The following DRD3 variants were observed in gnomAD, a reference collection of about 807,000 sequenced individuals.
The protein encoded by DRD3 is D(3) dopamine receptor.
In DRD3, 19 loss-of-function variants were observed where a neutral mutation model predicts 36.3. The ratio of observed to expected loss-of-function variants is 0.52; its 90% CI spans 0.36 to 0.77. The LOEUF is 0.77. DRD3 is among the 30% of genes least tolerant of loss of function. The pLI, the probability that DRD3 is intolerant of heterozygous loss-of-function variation, is 0.00. For synonymous variants in DRD3, 195 were observed against 203.7 expected (o/e 0.96, Z 0.36); for missense variants, 465 against 505.3 (o/e 0.92, Z 0.77).
In DRD3 at chr3:114,159,826, A is replaced by G. The variant is rs767711870; in HGVS notation, c.312T>C (p.Asp104=). ...TCATGACATCCAGGGTGACAAAAAC[A>G]TCACAGCAAATGCGGCTGAAATTCC... is the stretch of plus-strand genomic sequence containing the variant. ...GVWNFSRICC[D]VFVTLDVMMC... Residue 104 remains aspartate, a synonymous_variant, in exon 3 of 7, where the codon GAT becomes GAC. Coordinates refer to ENST00000383673, the MANE Select transcript of DRD3 (RefSeq NM_000796.6). The G allele has an allele frequency of 1.2e-6, 2 of 1,614,178 alleles. No individual in the cohort carries two copies. The highest frequency in any genetic ancestry group is 1.7e-6 in the Non-Finnish European group (2 of 1,180,000).
chr3:114,196,139 G>A (rs1367707153), intron 1 of DRD3, among the ~76,000 whole-genome samples: 3 of 152,160 alleles, frequency 2.0e-5, no homozygotes, highest in African/African-American at 7.2e-5. Context: ...ACTTGGCCTA[G>A]TAATTTCCTA....
chr3:114,129,643 T>C (rs1415642058), intron 6 of DRD3, among the ~76,000 whole-genome samples: 1 of 152,024 alleles, frequency 6.6e-6, no homozygotes, highest in African/African-American at 2.4e-5. Flanking sequence ...CATCTAGGAG[T>C]TCTAGTAAAC....
At chr3:114,155,953 C>T (rs906195513) in intron 3 of DRD3, among the ~76,000 whole-genome samples, 3 of 152,162 alleles carry the variant, frequency 2.0e-5, no homozygotes, top group Non-Finnish European at 4.4e-5. Context: ...TTCTCCTTCT[C>T]CCAATAATAT....
chr3:114,193,674 T>C (rs1204948862), intron 1 of DRD3, among the ~76,000 whole-genome samples: 1 of 152,212 alleles, frequency 6.6e-6, no homozygotes, highest in Admixed American at 6.5e-5. Context: ...CACATTTTTT[T>C]CCCCAAACGC....
At chr3:114,192,029 A>G (rs2078013148) in intron 1 of DRD3, among the ~76,000 whole-genome samples, 1 of 152,198 alleles carries the variant, frequency 6.6e-6, no homozygotes, top group Non-Finnish European at 1.5e-5. Context: ...AGGAGGGGGA[A>G]GCTTTATAAT....
chr3:114,171,046 A>C (rs1182540154), intron 2 of DRD3, among the ~76,000 whole-genome samples: 3 of 152,210 alleles, frequency 2.0e-5, no homozygotes, highest in Non-Finnish European at 4.4e-5. Flanking sequence ...TTTCAAATTT[A>C]ATAAATGTTT....
chr3:114,156,654 A>G (rs796332696), intron 3 of DRD3, among the ~76,000 whole-genome samples: 13 of 152,208 alleles, frequency 8.5e-5, no homozygotes, highest in African/African-American at 3.1e-4. Context: ...GGCCTATTGA[A>G]TAAAAGTTAG....
chr3:114,134,547 G>A (rs1285169503), intron 5 of DRD3, among the ~76,000 whole-genome samples: 1 of 151,872 alleles, frequency 6.6e-6, no homozygotes, highest in South Asian at 2.1e-4. Context: ...AGACTCCTGA[G>A]TAGCTGGGAT....
Position 114,139,701 on chromosome 3 carries a change from G to A in DRD3, c.527-5C>T. ...TGGAGCAGACAGTGGGGTCCCCTGT[G>A]GATGAGAAGGGGGAAGGTAAAGCAG... is the stretch of plus-strand genomic sequence containing the variant. On this transcript the variant is annotated splice_polypyrimidine_tract_variant and splice_region_variant and intron_variant, in intron 4 of 6. Coordinates refer to ENST00000383673, the MANE Select transcript of DRD3 (RefSeq NM_000796.6). The A allele has an allele frequency of 6.2e-7, 1 of 1,613,346 alleles. No individual in the cohort carries two copies. The highest frequency in any genetic ancestry group is 8.5e-7 in the Non-Finnish European group (1 of 1,179,534).
At chr3:114,190,413 T>A (rs1478301654) in intron 1 of DRD3, among the ~76,000 whole-genome samples, 9 of 3,416 alleles carry the variant, frequency 2.6e-3, no homozygotes, top group Admixed American at 0.018. Context: ...AAAAGGATAA[T>A]ATATATATAT....
chr3:114,136,408 A>G (rs1043757936), intron 5 of DRD3, among the ~76,000 whole-genome samples: 3 of 152,140 alleles, frequency 2.0e-5, no homozygotes, highest in African/African-American at 7.2e-5. Flanking sequence ...ATGAGGAAAC[A>G]CTGGATTCCT....
At position 114,128,769 on chromosome 3, in the gene DRD3, T is replaced by C. The variant is rs1196216612; in HGVS notation, c.1150A>G (p.Thr384Ala). Residue 384 changes from threonine to alanine, a missense_variant, in exon 7 of 7, where the codon ACC becomes GCC. By Grantham distance (58) the Thr-to-Ala change is moderately conservative (BLOSUM62 0). Transcript: ENST00000383673. The stretch of plus-strand genomic sequence containing the variant: ...TTCCGGAACTCGATATTGAAGGTGG[T>C]ATAGATCACAGGGTTGAGGGCGCTA... ...VNSALNPVIY[T>A]TFNIEFRKAF... The C allele has an allele frequency of 1.9e-6, 3 of 1,613,496 alleles. No individual in the cohort carries two copies. Among genetic ancestry groups the C allele is most frequent in the Non-Finnish European group, 2.5e-6 (3 of 1,179,788 alleles).
chr3:114,143,592 C>T (rs1206910822), intron 4 of DRD3, among the ~76,000 whole-genome samples: 4 of 152,180 alleles, frequency 2.6e-5, no homozygotes, highest in Admixed American at 1.3e-4. Context: ...CAAAGACATG[C>T]GGTGCCAATG....
chr3:114,168,474 G>T (rs980932597), intron 2 of DRD3, among the ~76,000 whole-genome samples: 1 of 152,012 alleles, frequency 6.6e-6, no homozygotes, highest in African/African-American at 2.4e-5. Flanking sequence ...GCTAAAGGTG[G>T]CCTCATGACT....
intron 5 of DRD3, among the ~76,000 whole-genome samples, chr3:114,139,165 A>G (rs530311758): frequency 1.3e-5 from 2 of 152,322 alleles, no homozygotes; most frequent in South Asian, 2.1e-4. Flanking sequence ...CCAGCAGTGC[A>G]AGGTACAACT....
At chr3:114,168,882 G>A (rs1251081092) in intron 2 of DRD3, among the ~76,000 whole-genome samples, 5 of 152,106 alleles carry the variant, frequency 3.3e-5, no homozygotes, top group Non-Finnish European at 7.4e-5. Context: ...ATTTTCCTTC[G>A]AAGAAGGTGG....
Position 114,171,730 on chromosome 3 carries a change from T to C in DRD3, c.263A>G (p.Tyr88Cys), listed in dbSNP as rs1303502710. 1.2e-6 allele frequency: 2 copies of C among 1,601,742 alleles called. No homozygotes were observed. The highest frequency in any genetic ancestry group is 1.7e-5 in the Admixed American group (1 of 59,074). ...CACCTGAAGTCTACTCACCTCCAGG[T>C]ATACCACCCAGGGCATCACCAAGGT... ...VATLVMPWVV[Y>C]LEVTGGVWNF... The change falls in exon 2 of 7, where the codon TAC becomes TGC. Residue 88 changes from tyrosine to cysteine, a missense_variant. Coordinates refer to ENST00000383673, the MANE Select transcript of DRD3 (RefSeq NM_000796.6).
At chr3:114,194,531 C>T (rs192982695) in intron 1 of DRD3, among the ~76,000 whole-genome samples, 15 of 152,168 alleles carry the variant, frequency 9.9e-5, no homozygotes, top group African/African-American at 3.4e-4. Context: ...AGTCCACCCA[C>T]CTCGGCCTCC....
intron 5 of DRD3, among the ~76,000 whole-genome samples, chr3:114,132,492 T>G (rs1367427245): frequency 6.6e-6 from 1 of 151,760 alleles, no homozygotes; most frequent in Non-Finnish European, 1.5e-5. Flanking sequence ...GTTGATAGAT[T>G]CAGCAAACCA....
Sources: gnomAD v4.1 joint callset for allele counts (sites outside exome capture counted in the v4.1 genomes callset) on GRCh38, gnomAD v4.1.1 for gene constraint, MANE v1.5 for transcripts, NCBI Gene and HGNC (gene_info 2026-07-23, HGNC 2026-07-21) for gene names.